The following USP37 variants were observed in gnomAD, a reference collection of about 807,000 sequenced individuals.
The protein encoded by USP37 is ubiquitin specific peptidase 37.
A neutral mutation model predicts 124.0 loss-of-function variants in USP37; 27 were observed. The observed-to-expected ratio is 0.22, with a 90% CI of 0.16 to 0.30. The LOEUF (loss-of-function observed/expected upper bound fraction) is 0.30, where lower values mean the gene tolerates loss of function less well. Ranked by LOEUF, USP37 falls within the 10% of genes least tolerant of loss-of-function variation. The probability of loss-of-function intolerance (pLI) is 1.00; values close to 1 mark genes in which losing one functional copy is unlikely to be tolerated. For missense variants in USP37, 889 were observed against 1,140.4 expected (o/e 0.78, Z 3.17); for synonymous variants, 365 against 388.0 (o/e 0.94, Z 0.70).
chr2:218,468,796 A>G (rs1486624028), intron 20 of USP37, among the ~76,000 whole-genome samples: 1 of 151,572 alleles, frequency 6.6e-6, no homozygotes, highest in East Asian at 2.0e-4. Flanking sequence ...CGGGTTCAAG[A>G]GATTCTTATG....
intron 10 of USP37, among the ~76,000 whole-genome samples, chr2:218,515,526 C>T (rs1165477968): frequency 6.6e-6 from 1 of 152,174 alleles, no homozygotes; most frequent in Admixed American, 6.5e-5. Context: ...CCCTTCCTTA[C>T]ATCTTACGAA....
chr2:218,465,771 G>C (rs1464088676), intron 21 of USP37, among the ~76,000 whole-genome samples: 1 of 152,056 alleles, frequency 6.6e-6, no homozygotes, highest in Admixed American at 6.6e-5. Context: ...GGCTAGGCTG[G>C]TCTCAAACTC....
chr2:218,547,124 T>C, intron 6 of USP37, 33 bp from the exon 7 acceptor site: 1 of 1,556,932 alleles, frequency 6.4e-7, no homozygotes, highest in Non-Finnish European at 8.7e-7. Context: ...AGTTAAATCT[T>C]CAAATTAACT....
At chr2:218,559,143 CAA>C (rs568480405) in intron 3 of USP37, among the ~76,000 whole-genome samples, 6 of 151,776 alleles carry the variant, frequency 4.0e-5, no homozygotes, top group Non-Finnish European at 8.8e-5. Context: ...TCTATCGCTA[CAA>C]AAAAACTGAA....
At chr2:218,501,955 A>C (rs929952898) in intron 11 of USP37, among the ~76,000 whole-genome samples, 1 of 152,218 alleles carries the variant, frequency 6.6e-6, no homozygotes, top group Non-Finnish European at 1.5e-5. Context: ...AAATTCCACC[A>C]GTTCGAATTT....
intron 16 of USP37, among the ~76,000 whole-genome samples, chr2:218,483,746 C>CA (rs1300172552): frequency 6.6e-6 from 1 of 152,048 alleles, no homozygotes; most frequent in Non-Finnish European, 1.5e-5. Flanking sequence ...TTTAACTGTA[C>CA]ACATAATTTC....
chr2:218,470,393 G>T (rs1042786130), intron 20 of USP37, among the ~76,000 whole-genome samples: 21 of 151,798 alleles, frequency 1.4e-4, no homozygotes, highest in Middle Eastern at 3.4e-3. Context: ...TTCTTGTTTG[G>T]ACTACTGCAA....
chr2:218,495,845 G>T lies in USP37; in HGVS notation c.1387C>A (p.Pro463Thr). 1 of 1,613,988 alleles carries T rather than the reference G, an allele frequency of 6.2e-7. No individual in the cohort carries two copies. The highest frequency in any genetic ancestry group is 8.5e-7 in the Non-Finnish European group (1 of 1,180,022). ...TATGCTCTGGTAGCTGAAATATCTGGTGAATTTTCTTCTCCAGAAACAGGT... is the reference window on the plus strand; with the variant it reads ...TATGCTCTGGTAGCTGAAATATCTGTTGAATTTTCTTCTCCAGAAACAGGT... ...TEPVSGEENS[P>T]DISATRAYTC... is the part of the protein sequence containing the mutation. Residue 463 changes from proline (P) to threonine (T), a missense_variant, in exon 14 of 26, where the codon CCA (proline) becomes ACA (threonine). Physicochemically the swap from Pro to Thr is conservative, Grantham distance 38. Transcript: ENST00000258399.
At chr2:218,515,291 A>C (rs1690215728) in intron 10 of USP37, among the ~76,000 whole-genome samples, 1 of 152,186 alleles carries the variant, frequency 6.6e-6, no homozygotes, top group South Asian at 2.1e-4. Context: ...ACCTGACTTC[A>C]AACTATACTA....
intron 20 of USP37, among the ~76,000 whole-genome samples, chr2:218,468,962 G>A (rs949645248): frequency 2.0e-5 from 3 of 152,110 alleles, no homozygotes; most frequent in African/African-American, 7.2e-5. Flanking sequence ...CAAAGTGCTG[G>A]GATTATAGGT....
chr2:218,489,256 G>A (rs1240709719), intron 14 of USP37, among the ~76,000 whole-genome samples: 1 of 150,912 alleles, frequency 6.6e-6, no homozygotes, highest in South Asian at 2.1e-4. Context: ...TACTTGGGAG[G>A]CTGAGGCAGG....
intron 17 of USP37, among the ~76,000 whole-genome samples, chr2:218,481,375 A>C (rs1691262719): frequency 6.6e-6 from 1 of 152,146 alleles, no homozygotes; most frequent in South Asian, 2.1e-4. Context: ...ATTGATTCCT[A>C]AGCGCCTATC....
chr2:218,565,758 C>A (rs576300270), intron 1 of USP37, among the ~76,000 whole-genome samples: 1 of 152,152 alleles, frequency 6.6e-6, no homozygotes, highest in East Asian at 1.9e-4. Context: ...TATATAATTA[C>A]AAGTTCTGGG....
chr2:218,550,245 C>T (rs1007659571), intron 5 of USP37, among the ~76,000 whole-genome samples: 61 of 152,022 alleles, frequency 4.0e-4, no homozygotes, highest in Non-Finnish European at 2.9e-5. Context: ...TGTGTATCAA[C>T]AACATGAACA....
intron 19 of USP37, 23 bp from the exon 20 acceptor site, chr2:218,474,908 G>T: frequency 6.3e-7 from 1 of 1,591,082 alleles, no homozygotes; most frequent in Non-Finnish European, 8.5e-7. Context: ...GTTACTTTTA[G>T]AAGAAACCAG....
At position 218,486,874 on chromosome 2, in the gene USP37, C is replaced by G. The variant is rs376351355; in HGVS notation, c.1591-1131G>C. On this transcript the variant is annotated intron_variant, in intron 15 of 25. Coordinates refer to ENST00000258399, the MANE Select transcript of USP37 (RefSeq NM_020935.3). ...CCGAGTAGCTGGGACTACAGGCGCC[C>G]GCCACCACGCCCAGCTAATTTTTTT... 1.1e-4 allele frequency among the ~76,000 whole-genome samples: 17 copies of G among 151,940 alleles called. No individual in the cohort carries two copies. The East Asian group carries it at 1.9e-3, about 17-fold the overall frequency.
In USP37 at chr2:218,561,218, TCCACTCCG is replaced by T. The variant is rs1351196352; in HGVS notation, c.-88-343_-88-336del. On this transcript the variant is annotated intron_variant, in intron 2 of 25. Transcript: ENST00000258399. ...GTTGGATACATCCTTGAGACTTTTTTCCACTCCGCCACTCAGTGCTACAAAGAATACAT... is the reference window on the plus strand; with the variant it reads ...GTTGGATACATCCTTGAGACTTTTTTCCACTCAGTGCTACAAAGAATACAT... 4.6e-5 allele frequency among the ~76,000 whole-genome samples: 7 copies of T among 152,350 alleles called. No homozygotes were observed. The East Asian group carries it at 1.3e-3, about 29-fold the overall frequency.
Position 218,454,707 on chromosome 2 carries a change from T to C in USP37, c.*223A>G, listed in dbSNP as rs1574826921. 1.2e-6 allele frequency: 1 copy of C among 800,390 alleles called. No individual in the cohort carries two copies. The highest frequency in any genetic ancestry group is 1.7e-5 in the African/African-American group (1 of 57,514). The allele number at this position is 800,390 out of a possible 1,614,324, so 49.6% of individuals were successfully genotyped here. ...CCTAAGACAAAAGAAGTGCCACTCA[T>C]AGGAGAAAAAGAGGATAATCAGCTA... On this transcript the variant is annotated 3_prime_UTR_variant, in exon 26 of 26. Coordinates refer to ENST00000258399, the MANE Select transcript of USP37 (RefSeq NM_020935.3).
At chr2:218,559,579 T>C (rs1693207317) in intron 3 of USP37, among the ~76,000 whole-genome samples, 1 of 152,134 alleles carries the variant, frequency 6.6e-6, no homozygotes, top group African/African-American at 2.4e-5. Flanking sequence ...CACCTACCAT[T>C]TATATTTAAA....
Sources: gnomAD v4.1 joint callset for allele counts (sites outside exome capture counted in the v4.1 genomes callset) on GRCh38, gnomAD v4.1.1 for gene constraint, MANE v1.5 for transcripts, NCBI Gene and HGNC (gene_info 2026-07-23, HGNC 2026-07-21) for gene names.